Variants in PTPRT observed in about 807,000 individuals in gnomAD.
The protein encoded by PTPRT is protein tyrosine phosphatase receptor type T.
A neutral mutation model predicts 176.8 loss-of-function variants in PTPRT; 56 were observed. The observed-to-expected ratio is 0.32, with a 90% CI of 0.26 to 0.40. The LOEUF (loss-of-function observed/expected upper bound fraction) is 0.40. PTPRT is among the 10% of genes least tolerant of loss of function. The pLI, the probability that PTPRT is intolerant of heterozygous loss-of-function variation, is 1.00. For synonymous variants in PTPRT, 783 were observed against 739.0 expected (o/e 1.06, Z -0.96); for missense variants, 1,540 against 1,908.2 (o/e 0.81, Z 3.60).
At chr20:42,304,343 T>C (rs921809514) in intron 12 of PTPRT, among the ~76,000 whole-genome samples, 2 of 152,156 alleles carry the variant, frequency 1.3e-5, no homozygotes, top group African/African-American at 2.4e-5. Context: ...TTCCTGAGTG[T>C]ACCTCTATGC....
intron 7 of PTPRT, among the ~76,000 whole-genome samples, chr20:42,670,519 G>C (rs2075394452): frequency 6.6e-6 from 1 of 152,194 alleles, no homozygotes; most frequent in African/African-American, 2.4e-5. Flanking sequence ...GGAGAAAAGA[G>C]AGAGGTAGAC....
chr20:42,040,563 G>T, the PTPRT span, among the ~76,000 whole-genome samples: 1 of 152,126 alleles, frequency 6.6e-6, no homozygotes, highest in African/African-American at 2.4e-5. Context: ...ATTCCATCAG[G>T]AATAGCTTTG....
intron 16 of PTPRT, among the ~76,000 whole-genome samples, chr20:42,193,774 G>A (rs1329461875): frequency 2.0e-5 from 3 of 152,162 alleles, no homozygotes; most frequent in African/African-American, 7.2e-5. Flanking sequence ...TTATCAGAGC[G>A]CATATTTTAG....
chr20:42,573,329 C>T (rs944899419), intron 7 of PTPRT, among the ~76,000 whole-genome samples: 1 of 152,190 alleles, frequency 6.6e-6, no homozygotes, highest in Non-Finnish European at 1.5e-5. Context: ...GTCCACCCCC[C>T]ACCCACCCAA....
chr20:42,125,501 C>T (rs1238577773), intron 19 of PTPRT, among the ~76,000 whole-genome samples: 1 of 152,136 alleles, frequency 6.6e-6, no homozygotes, highest in African/African-American at 2.4e-5. Flanking sequence ...AGGCCATTTG[C>T]CCTGTCTGCC....
intron 1 of PTPRT, among the ~76,000 whole-genome samples, chr20:42,917,396 G>A (rs1007873736): frequency 3.9e-5 from 6 of 152,126 alleles, no homozygotes; most frequent in African/African-American, 7.2e-5. Context: ...CAGGTAGCGC[G>A]ATGCCTCCAG....
intron 2 of PTPRT, among the ~76,000 whole-genome samples, chr20:42,792,734 G>A (rs2077395355): frequency 6.6e-6 from 1 of 152,142 alleles, no homozygotes; most frequent in African/African-American, 2.4e-5. Context: ...ATAGCTAAAA[G>A]TCACCTCATT....
chr20:42,633,079 C>T (rs907159619), intron 7 of PTPRT, among the ~76,000 whole-genome samples: 1 of 152,102 alleles, frequency 6.6e-6, no homozygotes, highest in Non-Finnish European at 1.5e-5. Flanking sequence ...ATGGAGAAAA[C>T]AGTCCTCTCA....
At chr20:42,886,085 T>C (rs1241383979) in intron 1 of PTPRT, among the ~76,000 whole-genome samples, 153 bp from the exon 2 acceptor site, 1 of 151,052 alleles carries the variant, frequency 6.6e-6, no homozygotes, top group East Asian at 1.9e-4. Context: ...GATGAGCAAA[T>C]TGGATTTTTA....
At chr20:43,043,124 C>G (rs550738869) in intron 1 of PTPRT, among the ~76,000 whole-genome samples, 16 of 152,184 alleles carry the variant, frequency 1.1e-4, no homozygotes, top group Non-Finnish European at 2.1e-4. Flanking sequence ...AGGAAGCCTT[C>G]TTTTGCCAAA....
intron 17 of PTPRT, among the ~76,000 whole-genome samples, chr20:42,152,857 C>T (rs553478239): frequency 7.9e-5 from 12 of 152,292 alleles, no homozygotes; most frequent in Middle Eastern, 3.4e-3. Context: ...AACTGTGCAA[C>T]GGGTGTAAGA....
chr20:42,092,121 AT>A (rs892004598), intron 27 of PTPRT, among the ~76,000 whole-genome samples: 4 of 152,144 alleles, frequency 2.6e-5, no homozygotes, highest in Non-Finnish European at 4.4e-5. Context: ...AAGGAGGTAA[AT>A]GGGAAGAAAA....
rs544320752 is a variant in PTPRT at position 42,107,977 on chromosome 20, C to G, written c.3255-1056G>C. Among the ~76,000 whole-genome samples, 6 of 152,272 alleles carry G rather than the reference C, an allele frequency of 3.9e-5. No homozygotes were observed. The East Asian group carries it at 9.7e-4, about 25-fold the overall frequency. On this transcript the variant is annotated intron_variant, in intron 23 of 30. Transcript: ENST00000373187. The stretch of plus-strand genomic sequence containing the variant: ...GTCTGACTTAAGTTTGCTTCAGAAC[C>G]TACTCCCCAAAATCCAGATGCGGGG...
chr20:42,515,148 G>T (rs116667028), intron 7 of PTPRT, among the ~76,000 whole-genome samples: 1,673 of 152,196 alleles, frequency 0.011, 38 homozygotes, highest in African/African-American at 0.039. Context: ...TTTAGGTCAC[G>T]TTTAAAACTT....
intron 1 of PTPRT, among the ~76,000 whole-genome samples, chr20:43,008,089 G>A (rs2146144514): frequency 6.6e-6 from 1 of 152,292 alleles, no homozygotes; most frequent in East Asian, 1.9e-4. Flanking sequence ...CTGAGAAATG[G>A]CCATACAGTC....
At chr20:43,018,170 C>T (rs539924677) in intron 1 of PTPRT, among the ~76,000 whole-genome samples, 1 of 152,164 alleles carries the variant, frequency 6.6e-6, no homozygotes, top group Non-Finnish European at 1.5e-5. Flanking sequence ...TCTGAAGAAC[C>T]AGCCCAGGGC....
intron 1 of PTPRT, among the ~76,000 whole-genome samples, chr20:43,047,219 C>T (rs376916875): frequency 1.3e-5 from 2 of 152,254 alleles, no homozygotes; most frequent in East Asian, 3.9e-4. Context: ...CGCTTGAGCT[C>T]AGCAACTCCC....
At chr20:42,915,980 ATACTTT>A (rs1978717902) in intron 1 of PTPRT, among the ~76,000 whole-genome samples, 1 of 151,840 alleles carries the variant, frequency 6.6e-6, no homozygotes, top group Admixed American at 6.6e-5. Context: ...TATTATTATT[ATACTTT>A]AAGTTTTAGG....
chr20:42,716,622 T>G (rs373610970), intron 6 of PTPRT, among the ~76,000 whole-genome samples: 15 of 152,352 alleles, frequency 9.8e-5, no homozygotes, highest in East Asian at 7.7e-4. Context: ...TGTAAATTTG[T>G]TTGAGTTCGT....
Sources: gnomAD v4.1 joint callset for allele counts (sites outside exome capture counted in the v4.1 genomes callset) on GRCh38, gnomAD v4.1.1 for gene constraint, MANE v1.5 for transcripts, NCBI Gene and HGNC (gene_info 2026-07-23, HGNC 2026-07-21) for gene names.